RCC2: variants seen among roughly 807,000 people sequenced by gnomAD.
RCC2 encodes the protein regulator of chromosome condensation 2.
RCC2 carries 19 observed loss-of-function variants against 64.1 expected under a neutral mutation model. The observed-to-expected ratio is 0.30, with a 90% CI of 0.21 to 0.44. RCC2 has a LOEUF of 0.44. Among genes scored for constraint, RCC2 ranks in the 20% least tolerant of loss-of-function variants. The pLI is 1.00. For synonymous variants in RCC2, 325 were observed against 279.6 expected (o/e 1.16, Z -1.62); for missense variants, 508 against 710.4 (o/e 0.72, Z 3.24).
At position 17,413,596 on chromosome 1, in the gene RCC2, C is replaced by T. The variant is rs767844258; in HGVS notation, c.1148G>A (p.Gly383Glu). 1.2e-6 allele frequency: 2 copies of T among 1,614,064 alleles called. No homozygotes were observed. Among genetic ancestry groups the T allele is most frequent in the Non-Finnish European group, 1.7e-6 (2 of 1,179,954 alleles). Residue 383 changes from glycine to glutamate, a missense_variant, in exon 9 of 13, where the codon GGG becomes GAG. Around this residue, in one of 4 missense-constraint regions of RCC2, gnomAD observed 179 missense variants for 322.0 expected, o/e 0.56. Transcript: ENST00000375436. ...PRLVKLFDFP[G>E]RGASQIYAGY... ...AGCATAGATCTGGGAAGCCCCACGC[C>T]CAGGGAAGTCAAACAGCTTCACCAG... is the stretch of plus-strand genomic sequence containing the variant.
rs775561220 is a variant in RCC2 at position 17,422,698 on chromosome 1, T to A, written c.655+7A>T. ...CTGAGAGGAGACACCAGCAGCCACCTCCTTACCCGTCAAGGCCAAGGTGTG... is the reference window on the plus strand; with the variant it reads ...CTGAGAGGAGACACCAGCAGCCACCACCTTACCCGTCAAGGCCAAGGTGTG... On this transcript the variant is annotated splice_region_variant and intron_variant, in intron 5 of 12. Coordinates refer to ENST00000375436, the MANE Select transcript of RCC2 (RefSeq NM_018715.4). The A allele has an allele frequency of 4.6e-5, 75 of 1,613,414 alleles. No homozygotes were observed. The highest frequency in any genetic ancestry group is 3.3e-4 in the Middle Eastern group (2 of 6,076).
chr1:17,416,459 G>C (rs765801021), intron 8 of RCC2, 21 bp downstream of exon 8: 2 of 1,596,682 alleles, frequency 1.3e-6, no homozygotes, highest in Non-Finnish European at 1.7e-6. Context: ...CTCTCAGGAA[G>C]TGAGAAAAGC....
chr1:17,412,441 C>T (rs1437937855), intron 10 of RCC2, among the ~76,000 whole-genome samples: 2 of 152,262 alleles, frequency 1.3e-5, no homozygotes, highest in Non-Finnish European at 2.9e-5. Flanking sequence ...GGGGACCTTG[C>T]TGTGCATCCT....
intron 2 of RCC2, among the ~76,000 whole-genome samples, chr1:17,435,525 G>A (rs1288954783): frequency 1.3e-5 from 2 of 152,246 alleles, no homozygotes; most frequent in East Asian, 1.9e-4. Context: ...CAGAAACCTG[G>A]GGCCAGGGAG....
chr1:17,414,791 C>T (rs1312723697), intron 8 of RCC2, among the ~76,000 whole-genome samples: 4 of 152,104 alleles, frequency 2.6e-5, no homozygotes, highest in Non-Finnish European at 5.9e-5. Flanking sequence ...CCACCATGCC[C>T]AGCTGATTTT....
At chr1:17,437,606 G>A (rs1236618964) in intron 2 of RCC2, among the ~76,000 whole-genome samples, 3 of 6,788 alleles carry the variant, frequency 4.4e-4, no homozygotes, top group African/African-American at 3.3e-3. Context: ...CGGACCACCG[G>A]CGGCAAACAA....
At chr1:17,435,700 T>C (rs555720016) in intron 2 of RCC2, among the ~76,000 whole-genome samples, 153 of 152,294 alleles carry the variant, frequency 1.0e-3, no homozygotes, top group Middle Eastern at 3.4e-3. Context: ...GTGGACCACC[T>C]GAGATCAGGA....
chr1:17,424,995 T>TG (rs1426726115), intron 4 of RCC2, among the ~76,000 whole-genome samples: 1 of 152,120 alleles, frequency 6.6e-6, no homozygotes, highest in Non-Finnish European at 1.5e-5. Context: ...CTGAAGTATC[T>TG]GGGGAAATAT....
chr1:17,416,842 A>C (rs2075491433), intron 7 of RCC2, among the ~76,000 whole-genome samples, 196 bp from the exon 8 acceptor site: 1 of 152,250 alleles, frequency 6.6e-6, no homozygotes, highest in Non-Finnish European at 1.5e-5. Context: ...AGTGAAATCA[A>C]TTTTGTGAGC....
intron 8 of RCC2, among the ~76,000 whole-genome samples, chr1:17,415,204 T>C (rs1395544418): frequency 1.3e-5 from 2 of 152,182 alleles, no homozygotes; most frequent in African/African-American, 4.8e-5. Context: ...TTGCACAAAC[T>C]GAAATCTCCT....
rs541648494 is a variant in RCC2 at position 17,407,942 on chromosome 1, C to T, written c.*1148G>A. ...AAGGCACCTCATAACTCACTCAGCG[C>T]AGCACACACGGCGGCGAGCTCGGGC... On this transcript the variant is annotated 3_prime_UTR_variant, in exon 13 of 13. Transcript: ENST00000375436. 1 of 152,586 alleles carries T rather than the reference C, an allele frequency of 6.6e-6. No individual in the cohort carries two copies. Among genetic ancestry groups the T allele is most frequent in the African/African-American group, 2.4e-5 (1 of 41,458 alleles). The allele number at this position is 152,586 out of a possible 1,614,324, so 9.5% of individuals were successfully genotyped here.
Position 17,422,804 on chromosome 1 carries a change from C to CA in RCC2, c.555dup (p.Asp186Ter). 6.2e-7 allele frequency: 1 copy of CA among 1,614,076 alleles called. No individual in the cohort carries two copies. Among genetic ancestry groups the CA allele is most frequent in the Non-Finnish European group, 8.5e-7 (1 of 1,180,014 alleles). ...CTAGGGGCTTCTACTCTCTTGGTGT[C>CA]ACCATGTCCCAGCTGCCCCTTCTCA... is the stretch of plus-strand genomic sequence containing the variant. On this transcript the variant is annotated frameshift_variant, in exon 5 of 13. Coordinates refer to ENST00000375436, the MANE Select transcript of RCC2 (RefSeq NM_018715.4). LOFTEE classifies it high-confidence loss of function.
rs772467824 is a variant in RCC2, at chr1:17,412,205, G to T, written c.1314-11C>A. ...ATGATGCTGCTCTTCCTGCAAACAG[G>T]CAGGCTGTCACTGCAGGGCCAGCAG... On this transcript the variant is annotated splice_polypyrimidine_tract_variant and intron_variant, in intron 10 of 12. Transcript: ENST00000375436. 3 of 1,613,872 alleles carry T rather than the reference G, an allele frequency of 1.9e-6. No individual in the cohort carries two copies. In the South Asian group the frequency reaches 3.3e-5, roughly 18 times the overall value.
chr1:17,413,414 G>C, intron 9 of RCC2, 123 bp downstream of exon 9: 1 of 1,114,028 alleles, frequency 9.0e-7, no homozygotes, highest in Non-Finnish European at 1.3e-6. Context: ...ACGAGTTCCT[G>C]TCTCAAAAAA....
intron 7 of RCC2, among the ~76,000 whole-genome samples, chr1:17,417,917 C>T (rs1410405090): frequency 6.6e-6 from 1 of 151,952 alleles, no homozygotes; most frequent in Admixed American, 6.6e-5. Flanking sequence ...AAAGATAATA[C>T]AAACAATACA....
At chr1:17,433,481 C>T (rs2075705118) in intron 2 of RCC2, among the ~76,000 whole-genome samples, 1 of 152,228 alleles carries the variant, frequency 6.6e-6, no homozygotes, top group Middle Eastern at 3.2e-3. Flanking sequence ...TGTGCCCTCC[C>T]AGGCGGAATC....
chr1:17,420,678 T>TA, intron 7 of RCC2, 36 bp downstream of exon 7: 1 of 1,338,686 alleles, frequency 7.5e-7, no homozygotes, highest in East Asian at 2.3e-5. Context: ...TATATACAGT[T>TA]AGATTACAGA....
At chr1:17,426,474 C>T (rs997971322) in intron 3 of RCC2, among the ~76,000 whole-genome samples, 4 of 152,124 alleles carry the variant, frequency 2.6e-5, no homozygotes, top group African/African-American at 7.2e-5. Context: ...TTGGGGAAGC[C>T]CTCCAGGGCA....
chr1:17,439,007 A>G (rs1439857023), intron 1 of RCC2, among the ~76,000 whole-genome samples: 5 of 143,944 alleles, frequency 3.5e-5, no homozygotes, highest in African/African-American at 1.3e-4. Flanking sequence ...AAACCCACTC[A>G]TGGCATTTAA....
Sources: gnomAD v4.1 joint callset for allele counts (sites outside exome capture counted in the v4.1 genomes callset) on GRCh38, gnomAD v4.1.1 for gene constraint, gnomAD v4.1.1 regional missense constraint, MANE v1.5 for transcripts, NCBI Gene and HGNC (gene_info 2026-07-23, HGNC 2026-07-21) for gene names.